Variants in HLCS observed in about 807,000 individuals in gnomAD.
The protein encoded by HLCS is holocarboxylase synthetase.
HLCS carries 53 observed loss-of-function variants against 75.0 expected under a neutral mutation model. That is an observed-to-expected ratio of 0.71 (90% confidence interval 0.57 to 0.89). The LOEUF (loss-of-function observed/expected upper bound fraction) is 0.89. HLCS is among the 40% of genes least tolerant of loss of function. HLCS has a pLI of 0.00. For synonymous variants in HLCS, 431 were observed against 428.6 expected (o/e 1.01, Z -0.07); for missense variants, 966 against 1,074.0 (o/e 0.90, Z 1.41).
At chr21:36,986,554 G>C (rs1325776673) in intron 1 of HLCS, among the ~76,000 whole-genome samples, 1 of 152,184 alleles carries the variant, frequency 6.6e-6, no homozygotes, top group Non-Finnish European at 1.5e-5. Flanking sequence ...GAGTAGCTGG[G>C]ATTACAGGCA....
At chr21:36,897,227 C>A in intron 5 of HLCS, 96 bp from the exon 6 acceptor site, 1 of 1,199,052 alleles carries the variant, frequency 8.3e-7, no homozygotes, top group Non-Finnish European at 1.2e-6. Flanking sequence ...AATATGAGTA[C>A]TTCCTAATTC....
chr21:36,824,160 A>AG (rs2061936785), intron 6 of HLCS, among the ~76,000 whole-genome samples: 2 of 152,210 alleles, frequency 1.3e-5, no homozygotes, highest in Non-Finnish European at 2.9e-5. Context: ...TTGCACCACT[A>AG]TTCACAATGG....
At chr21:36,952,941 C>G (rs148675081) in intron 2 of HLCS, among the ~76,000 whole-genome samples, 1 of 152,076 alleles carries the variant, frequency 6.6e-6, no homozygotes, top group African/African-American at 2.4e-5. Flanking sequence ...TTCTCCCTTA[C>G]AAGAACAGAA....
chr21:36,822,240 C>T (rs2061866985), intron 6 of HLCS, among the ~76,000 whole-genome samples: 1 of 151,966 alleles, frequency 6.6e-6, no homozygotes, highest in Admixed American at 6.6e-5. Context: ...GCCAACATGG[C>T]AAAACCCCGT....
upstream of HLCS, chr21:36,968,782 T>C (rs1238155936): frequency 2.0e-5 from 3 of 152,216 alleles, no homozygotes; most frequent in Admixed American, 6.5e-5. Flanking sequence ...ATTATGGCTA[T>C]AAGGACCACT....
rs545802392 is a variant in HLCS, at chr21:36,840,674, G to A, written c.1892+56186C>T. Among the ~76,000 whole-genome samples, 58 of 152,168 alleles carry A rather than the reference G, an allele frequency of 3.8e-4. 1 individual carries two copies. The South Asian group carries it at 9.8e-3, about 26-fold the overall frequency. On this transcript the variant is annotated intron_variant, in intron 6 of 10. Transcript: ENST00000674895. ...GTTGCCCAGGCTGGAGTGCAATGGCGTGATCTTGGCTCACTTCAACCTCCG... is the reference window on the plus strand; with the variant it reads ...GTTGCCCAGGCTGGAGTGCAATGGCATGATCTTGGCTCACTTCAACCTCCG...
chr21:36,846,322 G>A (rs2146117199), intron 6 of HLCS, among the ~76,000 whole-genome samples: 1 of 152,280 alleles, frequency 6.6e-6, no homozygotes, highest in South Asian at 2.1e-4. Flanking sequence ...CTCAATAAAT[G>A]TTGGTTTCCT....
At chr21:36,838,952 C>T (rs1282302226) in intron 6 of HLCS, among the ~76,000 whole-genome samples, 1 of 152,164 alleles carries the variant, frequency 6.6e-6, no homozygotes, top group Admixed American at 6.5e-5. Flanking sequence ...TTATTTTCAG[C>T]TGTTTTAAGC....
chr21:36,827,005 C>G (rs2062028507), intron 6 of HLCS, among the ~76,000 whole-genome samples: 1 of 152,106 alleles, frequency 6.6e-6, no homozygotes, highest in Non-Finnish European at 1.5e-5. Flanking sequence ...GCATGGATAG[C>G]AGGGTGCTAC....
intron 6 of HLCS, among the ~76,000 whole-genome samples, chr21:36,866,514 T>C (rs964698411): frequency 1.3e-5 from 2 of 152,348 alleles, no homozygotes; most frequent in South Asian, 4.1e-4. Flanking sequence ...AGATATAAGC[T>C]GTTGCGAGTG....
In HLCS at chr21:36,750,506, AGTCCTATCAGCCCTGCCTTC is replaced by A. The variant is rs2089334262; in HGVS notation, c.*3720_*3739del. ...CCCCCACTCCTTTTATCCTTTTAAA[AGTCCTATCAGCCCTGCCTTC>A]GTCCCTTCCGCCCTAAGCCCTAAGA... On this transcript the variant is annotated 3_prime_UTR_variant, in exon 11 of 11. Transcript: ENST00000674895. 6.6e-6 allele frequency among the ~76,000 whole-genome samples: 1 copy of A among 152,182 alleles called. No homozygotes were observed. Among genetic ancestry groups the A allele is most frequent in the Non-Finnish European group, 1.5e-5 (1 of 68,032 alleles).
intron 5 of HLCS, among the ~76,000 whole-genome samples, chr21:36,925,408 A>G (rs1278667144): frequency 6.6e-6 from 1 of 152,200 alleles, no homozygotes; most frequent in Non-Finnish European, 1.5e-5. Context: ...TTCATTTTGG[A>G]AAAATTCTTG....
chr21:36,915,898 G>A (rs1197988435), intron 5 of HLCS, among the ~76,000 whole-genome samples: 1 of 152,090 alleles, frequency 6.6e-6, no homozygotes, highest in African/African-American at 2.4e-5. Context: ...GGTCTCTGGG[G>A]GCTCTCGGTG....
Position 36,767,249 on chromosome 21 carries a change from T to C in HLCS, c.1929A>G (p.Ile643Met), listed in dbSNP as rs779201091. ...MFQTPQEMGLIVIAARQTEGK... is the reference protein window; with the variant it reads ...MFQTPQEMGLMVIAARQTEGK... ...CCTCGGTCTGCCGGGCCGCGATCAC[T>C]ATTAAGCCCATTTCCTGCGGTGTCT... The change falls in exon 7 of 11, where the codon ATA (isoleucine) becomes ATG (methionine). Residue 643 changes from isoleucine to methionine, a missense_variant. Transcript: ENST00000674895. 3 of 1,614,162 alleles carry C rather than the reference T, an allele frequency of 1.9e-6. No individual in the cohort carries two copies. Among genetic ancestry groups the C allele is most frequent in the South Asian group, 1.1e-5 (1 of 91,080 alleles).
At chr21:36,946,018 T>C (rs1201356141) in intron 2 of HLCS, 39 of 614,926 alleles carry the variant, frequency 6.3e-5, no homozygotes, top group South Asian at 3.6e-4. Flanking sequence ...CCTTGGAAGG[T>C]TACTGGGAGC....
At chr21:36,947,521 A>G in intron 2 of HLCS, 1 of 985,436 alleles carries the variant, frequency 1.0e-6, no homozygotes, top group Non-Finnish European at 1.2e-6. Flanking sequence ...ATGGAAACAA[A>G]GGCATGGAAA....
chr21:36,897,144 G>C lies in HLCS; in HGVS notation c.1621-13C>G. 6.2e-7 allele frequency: 1 copy of C among 1,612,206 alleles called. No homozygotes were observed. The highest frequency in any genetic ancestry group is 8.5e-7 in the Non-Finnish European group (1 of 1,179,940). On this transcript the variant is annotated splice_polypyrimidine_tract_variant and intron_variant, in intron 5 of 10. Coordinates refer to ENST00000674895, the MANE Select transcript of HLCS (RefSeq NM_001352514.2). ...GATCCCTGATTTCCTGTGTCATAAA[G>C]AAAGAAATGAGATGGTCGTAATTTG...
chr21:36,777,640 G>C (rs763946239), intron 6 of HLCS, among the ~76,000 whole-genome samples: 2 of 152,180 alleles, frequency 1.3e-5, no homozygotes, highest in African/African-American at 2.4e-5. Context: ...TTTTGGAAGA[G>C]CAGGGGCAGT....
intron 6 of HLCS, among the ~76,000 whole-genome samples, chr21:36,826,754 A>G (rs1217398995): frequency 6.6e-6 from 1 of 152,216 alleles, no homozygotes; most frequent in Admixed American, 6.5e-5. Flanking sequence ...CATGACTCCC[A>G]TTTTACAAAT....
Sources: gnomAD v4.1 joint callset for allele counts (sites outside exome capture counted in the v4.1 genomes callset) on GRCh38, gnomAD v4.1.1 for gene constraint, MANE v1.5 for transcripts, NCBI Gene and HGNC (gene_info 2026-07-23, HGNC 2026-07-21) for gene names.